The following ADGRL2 variants were observed in gnomAD, a reference collection of about 807,000 sequenced individuals.
ADGRL2 encodes calcium-independent alpha-latrotoxin receptor 2.
Under a neutral mutation model 157.4 loss-of-function variants are expected in ADGRL2, and 44 were observed. The ratio of observed to expected loss-of-function variants is 0.28; its 90% CI spans 0.22 to 0.36. ADGRL2 has a LOEUF of 0.36. Ranked by LOEUF, ADGRL2 falls within the 10% of genes least tolerant of loss-of-function variation. The probability of loss-of-function intolerance (pLI) is 1.00; values close to 1 mark genes in which losing one functional copy is unlikely to be tolerated. For synonymous variants in ADGRL2, 585 were observed against 624.7 expected, an observed-to-expected ratio of 0.94 and a Z score of 0.95; for missense variants, 1,510 against 1,768.9, an observed-to-expected ratio of 0.85 and a Z score of 2.63.
intron 1 of ADGRL2, among the ~76,000 whole-genome samples, chr1:81,729,051 A>G (rs1440487216): frequency 6.6e-6 from 1 of 151,730 alleles, no homozygotes; most frequent in Non-Finnish European, 1.5e-5. Context: ...ATGTGCCTGC[A>G]CTTGTTAGAT....
chr1:81,972,301 A>G (rs1430570761), intron 17 of ADGRL2, among the ~76,000 whole-genome samples: 1 of 152,110 alleles, frequency 6.6e-6, no homozygotes, highest in African/African-American at 2.4e-5. Context: ...AATTCTAATG[A>G]ATTAATTTTA....
chr1:81,425,275 C>T (rs2077192070), intron 1 of ADGRL2, among the ~76,000 whole-genome samples: 1 of 152,176 alleles, frequency 6.6e-6, no homozygotes, highest in Non-Finnish European at 1.5e-5. Flanking sequence ...CATGTGTACA[C>T]ACACAGGCAC....
At chr1:81,881,328 G>A (rs987115965) in intron 2 of ADGRL2, among the ~76,000 whole-genome samples, 4 of 152,090 alleles carry the variant, frequency 2.6e-5, no homozygotes, top group East Asian at 3.9e-4. Context: ...GGAGCCCGCC[G>A]CCACGCCCGG....
At chr1:81,531,273 G>T (rs2079591850) in intron 2 of ADGRL2, among the ~76,000 whole-genome samples, 1 of 152,060 alleles carries the variant, frequency 6.6e-6, no homozygotes, top group African/African-American at 2.4e-5. Flanking sequence ...AGCTTTCACA[G>T]GAAAAATCAA....
chr1:81,532,968 CT>C (rs59810790), intron 2 of ADGRL2, among the ~76,000 whole-genome samples: 2,553 of 149,854 alleles, frequency 0.017, 88 homozygotes, highest in African/African-American at 0.058. Flanking sequence ...ATCTATCTAT[CT>C]ATCATCTATC....
At chr1:81,952,280 C>A in intron 9 of ADGRL2, 138 bp downstream of exon 9, 1 of 600,696 alleles carries the variant, frequency 1.7e-6, no homozygotes, top group Non-Finnish European at 2.8e-6. Context: ...TTCATTTTTC[C>A]AAGGAAGAAT....
At chr1:81,631,003 T>A (rs753910802) in intron 3 of ADGRL2, among the ~76,000 whole-genome samples, 24 of 152,160 alleles carry the variant, frequency 1.6e-4, no homozygotes, top group Non-Finnish European at 2.4e-4. Context: ...CTTGTGGAAA[T>A]ACATTAATAC....
At position 81,950,494 on chromosome 1, in the gene ADGRL2, A is replaced by C. The variant is rs531794728; in HGVS notation, c.1504+12A>C. On this transcript the variant is annotated intron_variant, in intron 7 of 23. Transcript: ENST00000686636. ...TAAGGGAACAAGAGGTATTTTCTAT[A>C]AACTACCATGCATACATTTTTCAAT... The C allele has an allele frequency of 1.0e-5, 16 of 1,606,836 alleles. No individual in the cohort carries two copies. In the Admixed American group the frequency reaches 1.0e-4, roughly 10 times the overall value.
At chr1:81,890,624 C>T (rs938209110) in intron 2 of ADGRL2, among the ~76,000 whole-genome samples, 1 of 152,004 alleles carries the variant, frequency 6.6e-6, no homozygotes, top group East Asian at 1.9e-4. Flanking sequence ...GAATATTTTG[C>T]TTGAGCAAAA....
intron 2 of ADGRL2, among the ~76,000 whole-genome samples, chr1:81,838,341 T>C (rs187624883): frequency 2.9e-4 from 44 of 152,170 alleles, no homozygotes; most frequent in Admixed American, 1.8e-3. Flanking sequence ...AGAAAGTAAA[T>C]AGTGTTCACT....
intron 11 of ADGRL2, among the ~76,000 whole-genome samples, chr1:81,965,416 C>G (rs562085303): frequency 6.6e-6 from 1 of 152,254 alleles, no homozygotes. Flanking sequence ...TATGTAAAGA[C>G]TGATGGTTAC....
chr1:81,418,002 ATG>A (rs2077061455), intron 1 of ADGRL2, among the ~76,000 whole-genome samples: 2 of 152,162 alleles, frequency 1.3e-5, no homozygotes, highest in Non-Finnish European at 2.9e-5. Context: ...ATAACTCATA[ATG>A]ACAGGCAATT....
intron 1 of ADGRL2, among the ~76,000 whole-genome samples, chr1:81,442,150 C>T (rs576575827): frequency 6.6e-6 from 1 of 152,120 alleles, no homozygotes; most frequent in Admixed American, 6.5e-5. Context: ...TGTATCTAAG[C>T]TCTCTAGAAA....
intron 2 of ADGRL2, chr1:81,505,253 C>G: frequency 1.9e-6 from 1 of 534,844 alleles, no homozygotes; most frequent in South Asian, 1.5e-5. Context: ...CTGACCTCCT[C>G]TGGCCTCAGC....
At chr1:81,435,649 CAT>C (rs1231574194) in intron 1 of ADGRL2, among the ~76,000 whole-genome samples, 1 of 152,182 alleles carries the variant, frequency 6.6e-6, no homozygotes, top group Non-Finnish European at 1.5e-5. Flanking sequence ...GGTAGACACA[CAT>C]ATTTATATAA....
intron 3 of ADGRL2, among the ~76,000 whole-genome samples, chr1:81,684,558 G>T (rs1408514634): frequency 6.6e-6 from 1 of 152,166 alleles, no homozygotes; most frequent in African/African-American, 2.4e-5. Context: ...TATAGATCGT[G>T]AAGATTTTCT....
chr1:81,552,073 A>T (rs1432234090), intron 2 of ADGRL2, among the ~76,000 whole-genome samples: 3 of 152,118 alleles, frequency 2.0e-5, no homozygotes, highest in African/African-American at 7.2e-5. Flanking sequence ...GTAAAAATTG[A>T]ACCCTCTCTG....
rs185047314 is a variant in ADGRL2, at chr1:81,990,219, G to A, written c.3656-172G>A. The A allele has an allele frequency of 5.3e-5, 52 of 985,308 alleles. No homozygotes were observed. The African/African-American group carries it at 8.7e-4, about 17-fold the overall frequency. 61.0% of individuals were successfully genotyped at this position (985,308 alleles called of 1,614,324 possible). A position where few individuals can be genotyped will look rare whatever the true frequency, so the allele number is the denominator to read the frequency against. On this transcript the variant is annotated intron_variant, in intron 23 of 23. Coordinates refer to ENST00000686636, the MANE Select transcript of ADGRL2 (RefSeq NM_001366006.2). ...TTTAACACTTTTTCCTGTTATCTAA[G>A]GGGTTGCAACTATTTACAGTTGGGA... is the stretch of plus-strand genomic sequence containing the variant.
chr1:81,564,520 T>G (rs1236942768), intron 2 of ADGRL2, among the ~76,000 whole-genome samples: 1 of 152,180 alleles, frequency 6.6e-6, no homozygotes, highest in Admixed American at 6.5e-5. Flanking sequence ...CCTTGCCACA[T>G]GCACCTCTCC....
Sources: allele counts gnomAD v4.1 joint callset (sites outside exome capture counted in the v4.1 genomes callset), GRCh38; gene constraint gnomAD v4.1.1; transcripts MANE v1.5; gene names NCBI Gene and HGNC (gene_info 2026-07-23, HGNC 2026-07-21).